The following RPS6KC1 variants were observed in gnomAD, a reference collection of about 807,000 sequenced individuals.
The protein encoded by RPS6KC1 is ribosomal protein S6 kinase C1, also known as inactive ribosomal protein S6 kinase delta-1.
In RPS6KC1, 54 loss-of-function variants were observed where a neutral mutation model predicts 103.8. The ratio of observed to expected loss-of-function variants is 0.52; its 90% CI spans 0.42 to 0.65. RPS6KC1 has a LOEUF of 0.65. Among genes scored for constraint, RPS6KC1 ranks in the 30% least tolerant of loss-of-function variants. The pLI, the probability that RPS6KC1 is intolerant of heterozygous loss-of-function variation, is 0.00. For missense variants in RPS6KC1, 1,151 were observed against 1,253.8 expected, an observed-to-expected ratio of 0.92 and a Z score of 1.24; for synonymous variants, 439 against 438.7, an observed-to-expected ratio of 1.00 and a Z score of -0.01.
the RPS6KC1 span, among the ~76,000 whole-genome samples, chr1:213,363,718 CTTTCTTTCGT>C: frequency 3.4e-5 from 4 of 117,736 alleles, no homozygotes; most frequent in East Asian, 4.3e-4. Flanking sequence ...TTCTTTCTTT[CTTTCTTTCGT>C]TCTTTCTTTC....
At chr1:213,155,527 C>CT (rs1388481663) in intron 6 of RPS6KC1, among the ~76,000 whole-genome samples, 9 of 152,248 alleles carry the variant, frequency 5.9e-5, no homozygotes, top group African/African-American at 1.9e-4. Flanking sequence ...CCTTTTTGCT[C>CT]TAACAGGACA....
Position 213,267,762 on chromosome 1 carries a change from A to C in RPS6KC1, c.3091-4762A>C, listed in dbSNP as rs2149152023. On this transcript the variant is annotated intron_variant, in intron 14 of 14. Coordinates refer to ENST00000366960, the MANE Select transcript of RPS6KC1 (RefSeq NM_012424.6). ...AGAACTAAGTAGAAGTCACAAGTTG[A>C]ATAATACAATGACTGACATGAAAAA... 2.0e-5 allele frequency among the ~76,000 whole-genome samples: 3 copies of C among 152,146 alleles called. 1 individual carries two copies. The Middle Eastern group carries it at 0.01, about 518-fold the overall frequency.
chr1:213,107,446 A>G (rs1046192785), intron 4 of RPS6KC1, among the ~76,000 whole-genome samples: 2 of 152,162 alleles, frequency 1.3e-5, no homozygotes, highest in African/African-American at 4.8e-5. Context: ...ACTTAGCATA[A>G]TGCTTTTGAG....
the RPS6KC1 span, among the ~76,000 whole-genome samples, chr1:213,324,276 G>A: frequency 6.6e-6 from 1 of 152,198 alleles, no homozygotes. Context: ...ACAGGTCATG[G>A]ATTTTTATTT....
the RPS6KC1 span, among the ~76,000 whole-genome samples, chr1:213,558,936 T>C: frequency 6.6e-6 from 1 of 152,212 alleles, no homozygotes; most frequent in Non-Finnish European, 1.5e-5. Flanking sequence ...TCTAAACATA[T>C]TGTAGTTCAA....
chr1:213,488,406 A>G, the RPS6KC1 span, among the ~76,000 whole-genome samples: 1 of 152,228 alleles, frequency 6.6e-6, no homozygotes, highest in Admixed American at 6.5e-5. Context: ...GCTGGGAGTT[A>G]CTGACAGATA....
chr1:213,205,084 CA>C (rs1262480786), intron 8 of RPS6KC1: 1 of 179,450 alleles, frequency 5.6e-6, no homozygotes. Context: ...GTTATAGTAT[CA>C]GATACATCTC....
chr1:213,516,796 G>A, the RPS6KC1 span, among the ~76,000 whole-genome samples: 2 of 152,186 alleles, frequency 1.3e-5, no homozygotes, highest in Non-Finnish European at 2.9e-5. Flanking sequence ...AGTTTCAGAA[G>A]GAATGGTACC....
At chr1:213,782,784 G>A in the RPS6KC1 span, among the ~76,000 whole-genome samples, 2 of 152,094 alleles carry the variant, frequency 1.3e-5, no homozygotes, top group East Asian at 3.9e-4. Flanking sequence ...CCTAAATTTG[G>A]CCAAAGAAGT....
chr1:213,612,858 C>G, the RPS6KC1 span, among the ~76,000 whole-genome samples: 1 of 152,166 alleles, frequency 6.6e-6, no homozygotes, highest in African/African-American at 2.4e-5. Flanking sequence ...TATCAACTTG[C>G]TCTTCCTGTA....
chr1:213,216,448 A>G (rs1228843156), intron 8 of RPS6KC1, among the ~76,000 whole-genome samples: 4 of 152,208 alleles, frequency 2.6e-5, no homozygotes, highest in Non-Finnish European at 1.5e-5. Flanking sequence ...CACTGTCAAC[A>G]TTAGACAGAT....
intron 4 of RPS6KC1, 121 bp downstream of exon 4, chr1:213,104,690 G>C: frequency 4.1e-6 from 2 of 483,178 alleles, no homozygotes; most frequent in Non-Finnish European, 7.3e-6. Flanking sequence ...GAAATTAATA[G>C]CTCTATAATA....
chr1:213,671,307 T>C, the RPS6KC1 span, among the ~76,000 whole-genome samples: 1 of 151,820 alleles, frequency 6.6e-6, no homozygotes, highest in East Asian at 1.9e-4. Context: ...CACATATATG[T>C]GGAAATTTAA....
the RPS6KC1 span, among the ~76,000 whole-genome samples, chr1:213,852,145 AAAAG>A: frequency 1.3e-5 from 2 of 152,180 alleles, no homozygotes. Context: ...TCTTTAAAAA[AAAAG>A]AAAGAAAAAG....
At chr1:213,803,177 A>G in the RPS6KC1 span, among the ~76,000 whole-genome samples, 2 of 151,286 alleles carry the variant, frequency 1.3e-5, no homozygotes, top group Admixed American at 6.6e-5. Flanking sequence ...CCACAACCCC[A>G]GATTATTCCA....
chr1:213,733,880 G>T, the RPS6KC1 span, among the ~76,000 whole-genome samples: 1 of 152,204 alleles, frequency 6.6e-6, no homozygotes, highest in African/African-American at 2.4e-5. Flanking sequence ...AAGAACTGGT[G>T]TATTATTAAG....
At chr1:213,326,653 T>C in the RPS6KC1 span, among the ~76,000 whole-genome samples, 1 of 152,240 alleles carries the variant, frequency 6.6e-6, no homozygotes. Flanking sequence ...ACTCCTTGAA[T>C]AGGAGCAACT....
At chr1:213,607,328 G>C in the RPS6KC1 span, among the ~76,000 whole-genome samples, 1 of 152,156 alleles carries the variant, frequency 6.6e-6, no homozygotes, top group Non-Finnish European at 1.5e-5. Flanking sequence ...TAAGCCCACA[G>C]AACAATATAG....
At chr1:213,777,461 C>T in the RPS6KC1 span, among the ~76,000 whole-genome samples, 6 of 152,172 alleles carry the variant, frequency 3.9e-5, no homozygotes, top group East Asian at 3.9e-4. Context: ...ACACACTTAT[C>T]GATTAAATTT....
Sources: allele counts gnomAD v4.1 joint callset (sites outside exome capture counted in the v4.1 genomes callset), GRCh38; gene constraint gnomAD v4.1.1; transcripts MANE v1.5; gene names NCBI Gene and HGNC (gene_info 2026-07-23, HGNC 2026-07-21).